Variants in SCHIP1 observed in about 807,000 individuals in gnomAD.
SCHIP1 encodes schwannomin interacting protein 1, also known as schwannomin-interacting protein 1.
A neutral mutation model predicts 29.7 loss-of-function variants in SCHIP1; 8 were observed. The observed-to-expected ratio is 0.27, with a 90% CI of 0.16 to 0.49. SCHIP1 has a LOEUF of 0.49. SCHIP1 is among the 20% of genes least tolerant of loss of function. The pLI is 0.99. For missense variants in SCHIP1, 193 were observed against 294.6 expected, an observed-to-expected ratio of 0.66 and a Z score of 2.52; for synonymous variants, 76 against 94.9, an observed-to-expected ratio of 0.80 and a Z score of 1.16.
At chr3:159,404,266 G>A in the SCHIP1 span, among the ~76,000 whole-genome samples, 1 of 152,094 alleles carries the variant, frequency 6.6e-6, no homozygotes, top group Non-Finnish European at 1.5e-5. Flanking sequence ...GAAGAGTAAA[G>A]GGGACTTTGT....
the SCHIP1 span, among the ~76,000 whole-genome samples, chr3:159,327,758 T>G: frequency 1.0e-3 from 155 of 152,288 alleles, no homozygotes; most frequent in Middle Eastern, 0.01. Context: ...CTGGTGGAAA[T>G]GCAGTCCCAT....
At chr3:159,556,245 A>G in the SCHIP1 span, among the ~76,000 whole-genome samples, 3 of 152,068 alleles carry the variant, frequency 2.0e-5, no homozygotes, top group Non-Finnish European at 4.4e-5. Context: ...TTAGAATGGC[A>G]ATCATTAAAA....
the SCHIP1 span, among the ~76,000 whole-genome samples, chr3:159,409,805 C>T: frequency 3.9e-5 from 6 of 151,968 alleles, no homozygotes; most frequent in African/African-American, 1.4e-4. Flanking sequence ...ATAAAAAGAC[C>T]CAGAATAGCC....
chr3:159,552,032 CTTTT>C, the SCHIP1 span, among the ~76,000 whole-genome samples: 64 of 103,564 alleles, frequency 6.2e-4, no homozygotes, highest in African/African-American at 2.1e-3. Context: ...TGCCACATTG[CTTTT>C]TTTTTTTTTT....
the SCHIP1 span, among the ~76,000 whole-genome samples, chr3:159,578,137 C>A: frequency 6.6e-6 from 1 of 152,004 alleles, no homozygotes; most frequent in Non-Finnish European, 1.5e-5. Context: ...GTTGATGAAC[C>A]TGATTTTGAG....
At chr3:159,511,085 A>G in the SCHIP1 span, among the ~76,000 whole-genome samples, 12 of 152,226 alleles carry the variant, frequency 7.9e-5, no homozygotes, top group Non-Finnish European at 1.5e-4. Flanking sequence ...ACAGAGGCCC[A>G]CAGGCCTCCT....
chr3:159,594,416 T>C, the SCHIP1 span, among the ~76,000 whole-genome samples: 2 of 152,184 alleles, frequency 1.3e-5, no homozygotes, highest in South Asian at 4.1e-4. Flanking sequence ...GTAAAGTCAA[T>C]TGAAGGAAGT....
chr3:159,577,743 A>G, the SCHIP1 span, among the ~76,000 whole-genome samples: 70 of 152,160 alleles, frequency 4.6e-4, no homozygotes, highest in Non-Finnish European at 9.6e-4. Flanking sequence ...ACCAAATTTA[A>G]TCCCTTTGCA....
chr3:159,746,713 T>A, the SCHIP1 span, among the ~76,000 whole-genome samples: 1 of 152,220 alleles, frequency 6.6e-6, no homozygotes, highest in Admixed American at 6.5e-5. Flanking sequence ...TTTCCCTATA[T>A]CCTGCAATAT....
the SCHIP1 span, among the ~76,000 whole-genome samples, chr3:159,812,527 G>A: frequency 1.3e-5 from 2 of 152,208 alleles, no homozygotes; most frequent in Non-Finnish European, 2.9e-5. Flanking sequence ...TTATTACATG[G>A]CGTGCATATC....
intron 1 of SCHIP1, among the ~76,000 whole-genome samples, chr3:159,856,829 G>A (rs1713431336): frequency 6.6e-6 from 1 of 152,162 alleles, no homozygotes; most frequent in Admixed American, 6.5e-5. Flanking sequence ...TTTTTAAAAG[G>A]TGAATGGAAA....
chr3:159,349,313 T>C, the SCHIP1 span, among the ~76,000 whole-genome samples: 1 of 152,244 alleles, frequency 6.6e-6, no homozygotes, highest in Non-Finnish European at 1.5e-5. Flanking sequence ...AGAGAGGTAC[T>C]TTATATGCTA....
chr3:159,395,796 G>C, the SCHIP1 span, among the ~76,000 whole-genome samples: 1 of 151,624 alleles, frequency 6.6e-6, no homozygotes, highest in Non-Finnish European at 1.5e-5. Flanking sequence ...TGTATATTCT[G>C]TTGATTTGAG....
At chr3:159,390,076 T>G in the SCHIP1 span, among the ~76,000 whole-genome samples, 16 of 152,210 alleles carry the variant, frequency 1.1e-4, 1 homozygote, top group South Asian at 1.7e-3. Context: ...ATAAAATGTT[T>G]GTTCTTCAAT....
chr3:159,296,105 C>T, the SCHIP1 span, among the ~76,000 whole-genome samples: 1 of 150,834 alleles, frequency 6.6e-6, no homozygotes, highest in Admixed American at 6.6e-5. Context: ...AGGAAAACAA[C>T]CGAAATTTGA....
At chr3:159,868,945 TTAC>T (rs1447655523) in intron 2 of SCHIP1, among the ~76,000 whole-genome samples, 1 of 152,076 alleles carries the variant, frequency 6.6e-6, no homozygotes, top group Non-Finnish European at 1.5e-5. Context: ...ATCCATAACG[TTAC>T]TAACATTTGA....
At chr3:159,378,022 T>C in the SCHIP1 span, among the ~76,000 whole-genome samples, 1 of 152,328 alleles carries the variant, frequency 6.6e-6, no homozygotes, top group East Asian at 1.9e-4. Context: ...ATTCACAGCA[T>C]ATGAAGGCAG....
chr3:159,776,584 G>A, the SCHIP1 span, among the ~76,000 whole-genome samples: 9 of 152,092 alleles, frequency 5.9e-5, no homozygotes, highest in Non-Finnish European at 1.2e-4. Context: ...CCCAAATAGC[G>A]TTTAAAATAA....
chr3:159,750,692 C>T, the SCHIP1 span, among the ~76,000 whole-genome samples: 1 of 152,096 alleles, frequency 6.6e-6, no homozygotes, highest in African/African-American at 2.4e-5. Flanking sequence ...GTGTATACAG[C>T]AGCCAGGAAC....
Sources: gnomAD v4.1 joint callset for allele counts (sites outside exome capture counted in the v4.1 genomes callset) on GRCh38, gnomAD v4.1.1 for gene constraint, MANE v1.5 for transcripts, NCBI Gene and HGNC (gene_info 2026-07-23, HGNC 2026-07-21) for gene names.